The following TRIM2 variants were observed in gnomAD, a reference collection of about 807,000 sequenced individuals.
TRIM2 encodes tripartite motif containing 2.
A neutral mutation model predicts 75.2 loss-of-function variants in TRIM2; 20 were observed. That is an observed-to-expected ratio of 0.27 (90% confidence interval 0.19 to 0.39). The LOEUF is 0.39. Ranked by LOEUF, TRIM2 falls within the 10% of genes least tolerant of loss-of-function variation. The pLI is 1.00. For missense variants in TRIM2, 660 were observed against 990.8 expected, an observed-to-expected ratio of 0.67 and a Z score of 4.48; for synonymous variants, 373 against 388.3, an observed-to-expected ratio of 0.96 and a Z score of 0.46.
intron 3 of TRIM2, among the ~76,000 whole-genome samples, chr4:153,288,776 CT>C (rs532120191): frequency 1.2e-3 from 170 of 144,504 alleles, no homozygotes; most frequent in Non-Finnish European, 1.2e-3. Context: ...CTTTTTCTTC[CT>C]TTTTTTTTTT....
intron 1 of TRIM2, among the ~76,000 whole-genome samples, chr4:153,170,427 C>G (rs916244446): frequency 6.6e-6 from 1 of 152,130 alleles, no homozygotes. Flanking sequence ...GCTGATGGTG[C>G]AGGGCATTGT....
At chr4:153,160,165 A>G (rs1438000366) in intron 1 of TRIM2, among the ~76,000 whole-genome samples, 1 of 152,156 alleles carries the variant, frequency 6.6e-6, no homozygotes, top group East Asian at 1.9e-4. Context: ...TAAGCGAAAT[A>G]TTTCTCTGAA....
intron 8 of TRIM2, among the ~76,000 whole-genome samples, chr4:153,319,730 C>CA (rs1159165933): frequency 1.0e-3 from 148 of 147,748 alleles, no homozygotes; most frequent in African/African-American, 3.2e-3. Flanking sequence ...AACTCTGTCT[C>CA]AAAAAAAAAA....
At chr4:153,288,865 G>A (rs1209390304) in intron 3 of TRIM2, among the ~76,000 whole-genome samples, 1 of 151,124 alleles carries the variant, frequency 6.6e-6, no homozygotes, top group African/African-American at 2.4e-5. Flanking sequence ...ATTTTCTGTG[G>A]AACTTTTCTA....
chr4:153,336,070 G>T lies in TRIM2; in HGVS notation c.*1104G>T. On this transcript the variant is annotated 3_prime_UTR_variant, in exon 12 of 12. Coordinates refer to ENST00000338700, the MANE Select transcript of TRIM2 (RefSeq NM_015271.5). ...TTATCATTGTTTAATGAATAGTAGA[G>T]GTGTCAAGGGACTATGTATACATGA... 1 of 985,448 alleles carries T rather than the reference G, an allele frequency of 1.0e-6. No homozygotes were observed. Among genetic ancestry groups the T allele is most frequent in the Non-Finnish European group, 1.2e-6 (1 of 829,816 alleles). The allele number at this position is 985,448 out of a possible 1,614,324, so 61.0% of individuals were successfully genotyped here.
intron 1 of TRIM2, among the ~76,000 whole-genome samples, chr4:153,196,179 A>G (rs759354051): frequency 2.0e-5 from 3 of 152,190 alleles, no homozygotes; most frequent in Non-Finnish European, 4.4e-5. Flanking sequence ...TAATCCCAGC[A>G]CGTCGGGAGG....
intron 3 of TRIM2, among the ~76,000 whole-genome samples, chr4:153,289,818 G>A (rs1006893564): frequency 1.2e-4 from 18 of 152,178 alleles, no homozygotes; most frequent in African/African-American, 4.3e-4. Context: ...ATTGGTTTGG[G>A]AAGAGTGCCA....
chr4:153,276,442 A>G (rs1288822135), intron 3 of TRIM2, among the ~76,000 whole-genome samples: 1 of 152,240 alleles, frequency 6.6e-6, no homozygotes, highest in Non-Finnish European at 1.5e-5. Flanking sequence ...CGGATTTAAC[A>G]ATGGATAAGT....
intron 8 of TRIM2, among the ~76,000 whole-genome samples, chr4:153,317,243 G>A (rs1366707993): frequency 1.3e-5 from 2 of 151,834 alleles, no homozygotes; most frequent in Admixed American, 1.3e-4. Context: ...TTGATAACAT[G>A]AGTTTTAACT....
intron 1 of TRIM2, among the ~76,000 whole-genome samples, chr4:153,198,720 C>T (rs968450117): frequency 2.6e-5 from 4 of 151,886 alleles, no homozygotes; most frequent in East Asian, 1.9e-4. Context: ...AATGTTTTCC[C>T]CTGGTAAAGT....
At chr4:153,200,296 T>C (rs1307573234), upstream of TRIM2, among the ~76,000 whole-genome samples, 1 of 152,188 alleles carries the variant, frequency 6.6e-6, no homozygotes, top group Non-Finnish European at 1.5e-5. Context: ...AATCATACAA[T>C]ATGCAACCTT....
rs72414117 is a variant in TRIM2, at chr4:153,273,270, C to CTTTTTTTTTTTTTTTTTTTTTTTTTTT, written c.216-2600_216-2599insTTTTTTTTTTTTTTTTTTTTTTTTTTT. ...ACTCAGTGAGCACCTTACAGTCACT[C>CTTTTTTTTTTTTTTTTTTTTTTTTTTT]TTTTTTTTTTTTTTTTTTTTTTTGA... On this transcript the variant is annotated intron_variant, in intron 2 of 11. Transcript: ENST00000338700. Among the ~76,000 whole-genome samples, 2 of 57,386 alleles carry CTTTTTTTTTTTTTTTTTTTTTTTTTTT rather than the reference C, an allele frequency of 3.5e-5. 1 individual carries two copies. The highest frequency in any genetic ancestry group is 6.4e-5 in the Non-Finnish European group (2 of 31,292). 37.6% of individuals were successfully genotyped at this position (57,386 alleles called of 152,430 possible).
chr4:153,317,406 T>C (rs1436002584), intron 8 of TRIM2, among the ~76,000 whole-genome samples: 1 of 151,316 alleles, frequency 6.6e-6, no homozygotes, highest in Non-Finnish European at 1.5e-5. Context: ...CCCAGCACTT[T>C]GGGAGGCCGA....
chr4:153,208,456 CAAT>C (rs757284386), intron 1 of TRIM2, among the ~76,000 whole-genome samples: 75 of 151,824 alleles, frequency 4.9e-4, no homozygotes, highest in Admixed American at 1.6e-3. Context: ...ATTTAATAAA[CAAT>C]AAATAAATCT....
intron 4 of TRIM2, 39 bp from the exon 5 acceptor site, chr4:153,294,266 G>A: frequency 6.3e-7 from 1 of 1,598,912 alleles, no homozygotes; most frequent in Non-Finnish European, 8.5e-7. Context: ...ATATTTCTGG[G>A]TTGAGGTTAA....
chr4:153,286,609 A>G (rs1181260871), intron 3 of TRIM2, among the ~76,000 whole-genome samples: 1 of 152,142 alleles, frequency 6.6e-6, no homozygotes, highest in African/African-American at 2.4e-5. Context: ...ATGTGTTAGC[A>G]TAAAACTATC....
At chr4:153,178,217 C>T (rs941836428) in intron 1 of TRIM2, among the ~76,000 whole-genome samples, 1 of 152,038 alleles carries the variant, frequency 6.6e-6, no homozygotes, top group Admixed American at 6.6e-5. Flanking sequence ...GGCCCTGTCT[C>T]GTAATGCAGC....
At position 153,263,910 on chromosome 4, in the gene TRIM2, C is replaced by T. The variant is rs569268614; in HGVS notation, c.31-6425C>T. 1.1e-4 allele frequency among the ~76,000 whole-genome samples: 16 copies of T among 152,270 alleles called. 1 individual carries two copies. In the South Asian group the frequency reaches 2.5e-3, roughly 24 times the overall value. ...CTAATCCCATCATAAGGGCTCTACCCTCATGACCTAATCACCTCCCAAAGG... is the reference window on the plus strand; with the variant it reads ...CTAATCCCATCATAAGGGCTCTACCTTCATGACCTAATCACCTCCCAAAGG... On this transcript the variant is annotated intron_variant, in intron 1 of 11. Coordinates refer to ENST00000338700, the MANE Select transcript of TRIM2 (RefSeq NM_015271.5).
intron 1 of TRIM2, among the ~76,000 whole-genome samples, chr4:153,169,296 A>C (rs1201881488): frequency 1.3e-5 from 2 of 152,198 alleles, no homozygotes; most frequent in Non-Finnish European, 2.9e-5. Context: ...TCTTGAAAGA[A>C]ACTTTGCTGT....
Sources: allele counts gnomAD v4.1 joint callset (sites outside exome capture counted in the v4.1 genomes callset), GRCh38; gene constraint gnomAD v4.1.1; transcripts MANE v1.5; gene names NCBI Gene and HGNC (gene_info 2026-07-23, HGNC 2026-07-21).